TRIQK: variants seen among roughly 807,000 people sequenced by gnomAD.
TRIQK encodes the protein triple QxxK/R motif containing.
Under a neutral mutation model 10.8 loss-of-function variants are expected in TRIQK, and 10 were observed. That is an observed-to-expected ratio of 0.92 (90% CI 0.57 to 1.57). The LOEUF (loss-of-function observed/expected upper bound fraction) is 1.57, where lower values mean the gene tolerates loss of function less well. Ranked by LOEUF, TRIQK falls within the 40% of genes most tolerant of loss-of-function variation. TRIQK has a pLI of 0.00. For synonymous variants in TRIQK, 33 were observed against 33.7 expected (o/e 0.98, Z 0.07); for missense variants, 107 against 97.7 (o/e 1.09, Z -0.40).
intron 1 of TRIQK, among the ~76,000 whole-genome samples, chr8:92,962,628 C>T (rs755002921): frequency 1.8e-4 from 27 of 152,128 alleles, no homozygotes; most frequent in Non-Finnish European, 3.5e-4. Flanking sequence ...AAATGGAAAA[C>T]CAGAGCACTA....
intron 2 of TRIQK, among the ~76,000 whole-genome samples, chr8:92,928,570 TG>T (rs1182975952): frequency 6.6e-6 from 1 of 152,234 alleles, no homozygotes; most frequent in African/African-American, 2.4e-5. Context: ...AGTTTTGTTT[TG>T]TTTTTAAATT....
chr8:92,989,087 A>G (rs990216249), intron 1 of TRIQK, among the ~76,000 whole-genome samples: 3 of 151,676 alleles, frequency 2.0e-5, no homozygotes, highest in Non-Finnish European at 2.9e-5. Flanking sequence ...TGAGAATTTA[A>G]TATGTGATAA....
chr8:93,005,275 C>A (rs1813256557), intron 1 of TRIQK, among the ~76,000 whole-genome samples: 1 of 152,096 alleles, frequency 6.6e-6, no homozygotes, highest in Non-Finnish European at 1.5e-5. Flanking sequence ...TTGTGGGTGG[C>A]AGGAGAAAGA....
intron 2 of TRIQK, among the ~76,000 whole-genome samples, chr8:92,936,080 T>A (rs1810972218): frequency 6.6e-6 from 1 of 151,578 alleles, no homozygotes; most frequent in Non-Finnish European, 1.5e-5. Context: ...ATTAAACTAT[T>A]TTGAAGCCTA....
chr8:92,893,909 T>A (rs948518685), intron 3 of TRIQK, among the ~76,000 whole-genome samples: 1 of 152,034 alleles, frequency 6.6e-6, no homozygotes, highest in African/African-American at 2.4e-5. Context: ...TTAATTCATA[T>A]TTTTTATACA....
At chr8:92,926,299 A>T (rs1810445659) in intron 2 of TRIQK, 1 of 152,226 alleles carries the variant, frequency 6.6e-6, no homozygotes. Context: ...GCATCACTTG[A>T]CAATGGTGAC....
intron 2 of TRIQK, among the ~76,000 whole-genome samples, chr8:92,945,533 A>G (rs893951210): frequency 6.6e-5 from 10 of 152,190 alleles, no homozygotes; most frequent in Non-Finnish European, 1.0e-4. Flanking sequence ...TTCTTCCTCA[A>G]TCTAACTGAC....
At chr8:92,916,080 A>G (rs1809825982) in intron 3 of TRIQK, among the ~76,000 whole-genome samples, 1 of 152,114 alleles carries the variant, frequency 6.6e-6, no homozygotes, top group South Asian at 2.1e-4. Context: ...AAAGTGCACT[A>G]AAGGAGAGGG....
In TRIQK at chr8:92,992,444, A is replaced by T. The variant is rs575493502; in HGVS notation, c.-181+25165T>A. Among the ~76,000 whole-genome samples, 4 of 152,304 alleles carry T rather than the reference A, an allele frequency of 2.6e-5. No individual in the cohort carries two copies. The South Asian group carries it at 8.3e-4, about 32-fold the overall frequency. On this transcript the variant is annotated intron_variant, in intron 1 of 4. Transcript: ENST00000520686. The stretch of plus-strand genomic sequence containing the variant: ...CAGGCAAAGGTGCAATAGCACCAGT[A>T]GGGGTGAGAGACAAAGGTCATCTGC...
At chr8:92,957,963 A>C (rs1027884945) in intron 1 of TRIQK, among the ~76,000 whole-genome samples, 1 of 151,966 alleles carries the variant, frequency 6.6e-6, no homozygotes, top group African/African-American at 2.4e-5. Context: ...GAATTAAAGA[A>C]CTTTAGAAAG....
intron 1 of TRIQK, among the ~76,000 whole-genome samples, chr8:92,961,686 T>C (rs1812463752): frequency 6.6e-6 from 1 of 152,202 alleles, no homozygotes; most frequent in South Asian, 2.1e-4. Flanking sequence ...TTCCATACCC[T>C]GCAATATTTG....
intron 1 of TRIQK, among the ~76,000 whole-genome samples, chr8:92,978,068 A>G (rs535813505): frequency 2.3e-4 from 35 of 152,194 alleles, no homozygotes; most frequent in Non-Finnish European, 4.6e-4. Context: ...TCATTCATCA[A>G]TCAGTACTCA....
chr8:92,888,495 A>G (rs1210901158), intron 4 of TRIQK, among the ~76,000 whole-genome samples: 1 of 151,646 alleles, frequency 6.6e-6, no homozygotes, highest in South Asian at 2.1e-4. Flanking sequence ...GGAAAGGTAT[A>G]GCAAATAATT....
At position 92,883,597 on chromosome 8, in the gene TRIQK, A is replaced by T. The variant is rs1283977085; in HGVS notation, c.*3025T>A. The T allele has an allele frequency of 1.3e-5, 2 of 151,692 alleles. No homozygotes were observed. The highest frequency in any genetic ancestry group is 2.9e-5 in the Non-Finnish European group (2 of 67,802). 9.4% of individuals were successfully genotyped at this position (151,692 alleles called of 1,614,324 possible). A position where few individuals can be genotyped will look rare whatever the true frequency, so the allele number is the denominator to read the frequency against. ...AACTTTTTTATCATTTACACAAAGA[A>T]ACTGTGACAGACTCTGAGAGGACTA... On this transcript the variant is annotated 3_prime_UTR_variant, in exon 5 of 5. Transcript: ENST00000521988.
intron 3 of TRIQK, among the ~76,000 whole-genome samples, chr8:92,907,488 T>A (rs750816001): frequency 6.6e-6 from 1 of 152,128 alleles, no homozygotes; most frequent in Non-Finnish European, 1.5e-5. Context: ...CAACAGAATT[T>A]CCAGTTTCAA....
At chr8:92,943,440 A>G (rs1811369468) in intron 2 of TRIQK, among the ~76,000 whole-genome samples, 1 of 152,190 alleles carries the variant, frequency 6.6e-6, no homozygotes, top group Non-Finnish European at 1.5e-5. Flanking sequence ...TGAAGCTACA[A>G]TAACCAAAAC....
intron 2 of TRIQK, among the ~76,000 whole-genome samples, chr8:92,927,681 G>A (rs1360310619): frequency 6.6e-6 from 1 of 152,066 alleles, no homozygotes; most frequent in East Asian, 1.9e-4. Context: ...TGAATCATGA[G>A]GGTACCCAGG....
chr8:92,919,472 G>C (rs952176482), intron 2 of TRIQK, among the ~76,000 whole-genome samples: 1 of 151,822 alleles, frequency 6.6e-6, no homozygotes, highest in Non-Finnish European at 1.5e-5. Flanking sequence ...AACCATCCCT[G>C]CATCACTGGC....
At chr8:92,954,934 T>G (rs1050227254) in intron 1 of TRIQK, among the ~76,000 whole-genome samples, 3 of 151,914 alleles carry the variant, frequency 2.0e-5, no homozygotes, top group East Asian at 3.9e-4. Context: ...AAAATTATTT[T>G]CTGTTATTTT....
Sources: allele counts gnomAD v4.1 joint callset (sites outside exome capture counted in the v4.1 genomes callset), GRCh38; gene constraint gnomAD v4.1.1; transcripts MANE v1.5; gene names NCBI Gene and HGNC (gene_info 2026-07-23, HGNC 2026-07-21).